IGSF10: variants seen among roughly 807,000 people sequenced by gnomAD.
IGSF10 encodes the protein calvaria mechanical force protein 608.
IGSF10 carries 126 observed loss-of-function variants against 128.2 expected under a neutral mutation model. That is an observed-to-expected ratio of 0.98 (90% CI 0.85 to 1.14). IGSF10 has a LOEUF of 1.14. Among genes scored for constraint, IGSF10 ranks in the 50% most tolerant of loss-of-function variants. IGSF10 has a pLI of 0.00. For synonymous variants in IGSF10, 1,185 were observed against 1,146.2 expected (o/e 1.03, Z -0.68); for missense variants, 3,295 against 3,149.8 (o/e 1.05, Z -1.10).
the IGSF10 span, among the ~76,000 whole-genome samples, chr3:151,550,030 T>C: frequency 1.8e-4 from 27 of 152,060 alleles, no homozygotes; most frequent in Non-Finnish European, 1.0e-4. Context: ...CCTGGAAATA[T>C]TTGGGCTGAG....
At chr3:151,438,760 C>T (rs1446082952) in intron 7 of IGSF10, among the ~76,000 whole-genome samples, 163 bp from the exon 8 acceptor site, 4 of 150,332 alleles carry the variant, frequency 2.7e-5, no homozygotes, top group South Asian at 2.1e-4. Flanking sequence ...GATATATATA[C>T]ATTTTGAGGT....
chr3:151,606,604 G>A, the IGSF10 span, among the ~76,000 whole-genome samples: 1 of 152,188 alleles, frequency 6.6e-6, no homozygotes. Flanking sequence ...AGAGGTATTT[G>A]TTGGATTCAT....
chr3:151,532,188 A>G, the IGSF10 span, among the ~76,000 whole-genome samples: 2 of 152,182 alleles, frequency 1.3e-5, no homozygotes. Context: ...AGTAATTAAT[A>G]GCCTACAAAC....
chr3:151,453,663 G>C lies in IGSF10; in HGVS notation c.436C>G (p.Pro146Ala), dbSNP rs965535216. The C allele has an allele frequency of 6.2e-7, 1 of 1,613,628 alleles. No individual in the cohort carries two copies. The change falls in exon 5 of 8, where the codon CCA becomes GCA. Residue 146 changes from proline (P) to alanine (A), a missense_variant. By Grantham distance (27) the Pro-to-Ala change is conservative. Transcript: ENST00000282466. ...AAGTTGAGCCCATAAAAAACCTCTG[G>C]GTTTATAAACTCAATATTGTTGTGG... ...MDHNNIEFIN[P>A]EVFYGLNFLR...
At chr3:151,566,867 G>C in the IGSF10 span, among the ~76,000 whole-genome samples, 1 of 152,114 alleles carries the variant, frequency 6.6e-6, no homozygotes, top group Non-Finnish European at 1.5e-5. Context: ...TAGTTTCAGG[G>C]TGCCTGCCTG....
the IGSF10 span, among the ~76,000 whole-genome samples, chr3:151,487,622 G>C: frequency 3.8e-3 from 580 of 152,262 alleles, 2 homozygotes; most frequent in African/African-American, 0.013. Context: ...ACATCAAAAA[G>C]CTTATCCACC....
At chr3:151,566,423 G>A in the IGSF10 span, among the ~76,000 whole-genome samples, 2 of 152,164 alleles carry the variant, frequency 1.3e-5, no homozygotes, top group African/African-American at 4.8e-5. Context: ...CATTGGTTGT[G>A]TTATGCTATA....
the IGSF10 span, among the ~76,000 whole-genome samples, chr3:151,494,320 G>C: frequency 1.3e-5 from 2 of 151,838 alleles, no homozygotes; most frequent in Non-Finnish European, 2.9e-5. Context: ...AATATAACTA[G>C]AATTTTCTAT....
At chr3:151,504,746 G>A in the IGSF10 span, among the ~76,000 whole-genome samples, 1 of 152,156 alleles carries the variant, frequency 6.6e-6, no homozygotes, top group East Asian at 1.9e-4. Flanking sequence ...CTACTCTTGT[G>A]GCAACCACCA....
the IGSF10 span, among the ~76,000 whole-genome samples, chr3:151,525,002 C>CTT: frequency 2.2e-4 from 11 of 49,736 alleles, no homozygotes; most frequent in East Asian, 8.2e-4. Flanking sequence ...TGCATTACAC[C>CTT]TTTTTTTTTT....
At chr3:151,593,611 G>A in the IGSF10 span, among the ~76,000 whole-genome samples, 3 of 151,904 alleles carry the variant, frequency 2.0e-5, no homozygotes, top group Non-Finnish European at 4.4e-5. Flanking sequence ...GAAGACAAAG[G>A]CATATTTCTG....
the IGSF10 span, among the ~76,000 whole-genome samples, chr3:151,608,251 GCC>G: frequency 1.6e-4 from 25 of 152,296 alleles, no homozygotes; most frequent in African/African-American, 5.3e-4. Context: ...AAAAGAGAAA[GCC>G]TCTGTGTCTA....
the IGSF10 span, among the ~76,000 whole-genome samples, chr3:151,581,148 T>A: frequency 6.6e-6 from 1 of 152,194 alleles, no homozygotes; most frequent in Non-Finnish European, 1.5e-5. Context: ...TGTTGCTGTG[T>A]TAGACTGTGG....
At chr3:151,492,083 GA>G in the IGSF10 span, among the ~76,000 whole-genome samples, 2 of 151,898 alleles carry the variant, frequency 1.3e-5, no homozygotes, top group Admixed American at 1.3e-4. Context: ...CTACAGACTG[GA>G]AAAAAATATT....
chr3:151,486,800 C>T, the IGSF10 span, among the ~76,000 whole-genome samples: 1 of 152,134 alleles, frequency 6.6e-6, no homozygotes, highest in Non-Finnish European at 1.5e-5. Flanking sequence ...AACAAAGACA[C>T]AATGTACCAG....
At chr3:151,440,709 AATG>A in intron 7 of IGSF10, 1 of 380,642 alleles carries the variant, frequency 2.6e-6, no homozygotes, top group South Asian at 1.6e-5. Context: ...TTAAAATAAT[AATG>A]ATGTCTGAGT....
At chr3:151,565,686 C>A in the IGSF10 span, among the ~76,000 whole-genome samples, 1 of 152,066 alleles carries the variant, frequency 6.6e-6, no homozygotes, top group Admixed American at 6.6e-5. Flanking sequence ...CCTACTAAAG[C>A]ACCTACCCTG....
the IGSF10 span, among the ~76,000 whole-genome samples, chr3:151,612,995 C>T: frequency 7.9e-5 from 12 of 152,264 alleles, no homozygotes; most frequent in Non-Finnish European, 1.6e-4. Context: ...AGCTAAGTCT[C>T]AGGATACAAA....
Position 151,443,603 on chromosome 3 carries a change from C to G in IGSF10, c.5344G>C (p.Ala1782Pro), listed in dbSNP as rs774854678. ...GATTCTGAGACAACTGTTTGGTTTGCAAGAATCCAGGTAACTGTAGGGCTT... is the reference window on the plus strand; with the variant it reads ...GATTCTGAGACAACTGTTTGGTTTGGAAGAATCCAGGTAACTGTAGGGCTT... ...RPSPTVTWIL[A>P]NQTVVSESSQ... The change falls in exon 7 of 8, where the codon GCA becomes CCA. Residue 1782 changes from alanine to proline, a missense_variant. Ala to Pro is a conservative substitution (Grantham distance 27, BLOSUM62 -1). Coordinates refer to ENST00000282466, the MANE Select transcript of IGSF10 (RefSeq NM_178822.5). The G allele has an allele frequency of 1.2e-6, 2 of 1,614,232 alleles. No homozygotes were observed. Among genetic ancestry groups the G allele is most frequent in the Admixed American group, 1.7e-5 (1 of 60,032 alleles).
Sources: gnomAD v4.1 joint callset for allele counts (sites outside exome capture counted in the v4.1 genomes callset) on GRCh38, gnomAD v4.1.1 for gene constraint, MANE v1.5 for transcripts, NCBI Gene and HGNC (gene_info 2026-07-23, HGNC 2026-07-21) for gene names.